The following SPAG16 variants were observed in gnomAD, a reference collection of about 807,000 sequenced individuals.
The protein encoded by SPAG16 is sperm associated antigen 16, also known as sperm-associated antigen 16 protein.
In SPAG16, 86 loss-of-function variants were observed where a neutral mutation model predicts 80.4. The ratio of observed to expected loss-of-function variants is 1.07; its 90% confidence interval spans 0.90 to 1.28. SPAG16 has a LOEUF of 1.28. Among genes scored for constraint, SPAG16 ranks in the 50% most tolerant of loss-of-function variants. The pLI, the probability that SPAG16 is intolerant of heterozygous loss-of-function variation, is 0.00. For synonymous variants in SPAG16, 294 were observed against 265.9 expected (o/e 1.11, Z -1.03); for missense variants, 870 against 765.3 (o/e 1.14, Z -1.61).
rs193083581 is a variant in SPAG16 at position 213,844,623 on chromosome 2, G to A, written c.1071-17862G>A. On this transcript the variant is annotated intron_variant, in intron 10 of 15. Transcript: ENST00000331683. ...TTTATGTTCTTGTTTTTTGATTTAC[G>A]AGGACTTGGACTTATAATAGTCAAT... Among the ~76,000 whole-genome samples, 773 of 152,134 alleles carry A rather than the reference G, an allele frequency of 5.1e-3. 3 individuals carry two copies. The highest frequency in any genetic ancestry group is 8.7e-3 in the Non-Finnish European group (594 of 67,982).
intron 6 of SPAG16, among the ~76,000 whole-genome samples, chr2:213,343,455 T>G (rs570268444): frequency 6.6e-6 from 1 of 152,196 alleles, no homozygotes; most frequent in East Asian, 1.9e-4. Context: ...CAACATACAA[T>G]AAATAAATAA....
At chr2:213,462,861 A>G (rs1287399421) in intron 9 of SPAG16, among the ~76,000 whole-genome samples, 1 of 152,204 alleles carries the variant, frequency 6.6e-6, no homozygotes, top group East Asian at 1.9e-4. Context: ...TCGGTACCAC[A>G]GAGAGTGGGT....
At chr2:213,967,954 AT>A (rs1245311004) in intron 12 of SPAG16, among the ~76,000 whole-genome samples, 2 of 152,204 alleles carry the variant, frequency 1.3e-5, no homozygotes, top group Admixed American at 6.5e-5. Context: ...TTAATGGCTA[AT>A]TTTTGATGTA....
intron 11 of SPAG16, among the ~76,000 whole-genome samples, chr2:213,898,505 T>A (rs1180517345): frequency 6.6e-6 from 1 of 152,168 alleles, no homozygotes; most frequent in African/African-American, 2.4e-5. Context: ...ATGGAGAATC[T>A]GCTGGGGTCA....
chr2:213,819,990 A>T (rs1575232152), intron 10 of SPAG16, among the ~76,000 whole-genome samples: 1 of 140,202 alleles, frequency 7.1e-6, no homozygotes, highest in African/African-American at 2.7e-5. Context: ...GTTGGCCAGG[A>T]TGGTCTCAAA....
intron 13 of SPAG16, among the ~76,000 whole-genome samples, chr2:214,015,218 A>G (rs184379787): frequency 1.3e-5 from 2 of 152,172 alleles, no homozygotes; most frequent in African/African-American, 2.4e-5. Flanking sequence ...GGCCAGACCC[A>G]CTTCATGGTC....
chr2:214,187,779 A>C (rs1285595023), intron 15 of SPAG16, among the ~76,000 whole-genome samples: 1 of 151,618 alleles, frequency 6.6e-6, no homozygotes, highest in Non-Finnish European at 1.5e-5. Flanking sequence ...CATATCGCTT[A>C]ACCTTTTTTT....
chr2:213,691,191 C>T (rs1366615360), intron 10 of SPAG16, among the ~76,000 whole-genome samples: 1 of 152,186 alleles, frequency 6.6e-6, no homozygotes, highest in Admixed American at 6.5e-5. Context: ...CCCAGGATAG[C>T]CAGTCTCTAA....
At chr2:214,222,556 A>G (rs944887198) in intron 15 of SPAG16, among the ~76,000 whole-genome samples, 3 of 152,152 alleles carry the variant, frequency 2.0e-5, no homozygotes, top group Non-Finnish European at 4.4e-5. Flanking sequence ...TTGTCACTCA[A>G]TCTGTGAAAT....
intron 10 of SPAG16, among the ~76,000 whole-genome samples, chr2:213,521,224 C>T (rs1350163822): frequency 1.3e-5 from 2 of 152,186 alleles, no homozygotes; most frequent in African/African-American, 2.4e-5. Flanking sequence ...AATTCTTTTA[C>T]ACGATCATGG....
At chr2:214,055,174 G>A (rs1297020224) in intron 13 of SPAG16, among the ~76,000 whole-genome samples, 1 of 151,998 alleles carries the variant, frequency 6.6e-6, no homozygotes, top group East Asian at 1.9e-4. Context: ...AAAGATCCAG[G>A]AAAAACTCAC....
intron 13 of SPAG16, among the ~76,000 whole-genome samples, chr2:214,084,666 C>G (rs2051605506): frequency 6.6e-6 from 1 of 152,178 alleles, no homozygotes; most frequent in Non-Finnish European, 1.5e-5. Context: ...GACCTAGGCT[C>G]TAACTCAGCA....
At chr2:213,774,312 C>T (rs558489120) in intron 10 of SPAG16, among the ~76,000 whole-genome samples, 7 of 152,304 alleles carry the variant, frequency 4.6e-5, no homozygotes, top group South Asian at 4.1e-4. Flanking sequence ...ATAATCCTTA[C>T]GAAAACTCTA....
At chr2:213,781,746 G>A (rs563451282) in intron 10 of SPAG16, among the ~76,000 whole-genome samples, 5 of 152,274 alleles carry the variant, frequency 3.3e-5, no homozygotes, top group African/African-American at 9.6e-5. Context: ...CTTTGTATTT[G>A]CAGTTTGGTC....
At chr2:214,317,842 G>C (rs1417261914) in intron 15 of SPAG16, among the ~76,000 whole-genome samples, 1 of 152,114 alleles carries the variant, frequency 6.6e-6, no homozygotes, top group East Asian at 1.9e-4. Context: ...TCATTAGTCA[G>C]AACTGCATCA....
At chr2:214,046,699 C>A (rs911536814) in intron 13 of SPAG16, among the ~76,000 whole-genome samples, 2 of 151,838 alleles carry the variant, frequency 1.3e-5, no homozygotes, top group African/African-American at 4.8e-5. Context: ...AGCAATCAGA[C>A]AAGAGAACGA....
At chr2:213,990,342 C>T (rs1389107913) in intron 12 of SPAG16, among the ~76,000 whole-genome samples, 4 of 152,012 alleles carry the variant, frequency 2.6e-5, no homozygotes, top group African/African-American at 7.2e-5. Context: ...TTGCAATACA[C>T]GTGATTCTTA....
rs187840135 is a variant in SPAG16, at chr2:214,276,310, G to A, written c.1720+127044G>A. On this transcript the variant is annotated intron_variant, in intron 15 of 15. Coordinates refer to ENST00000331683, the MANE Select transcript of SPAG16 (RefSeq NM_024532.5). ...CCCATTTACATTTAGGGTTAATATT[G>A]TTATGTGTGAATTTGATCCTGTCAT... Among the ~76,000 whole-genome samples the A allele has an allele frequency of 2.7e-3, 418 of 152,244 alleles. 3 individuals are homozygous for A. The highest frequency in any genetic ancestry group is 9.7e-3 in the African/African-American group (401 of 41,532).
In SPAG16 at chr2:213,701,863, A is replaced by C. The variant is rs58529682; in HGVS notation, c.1071-160622A>C. 2.5e-3 allele frequency among the ~76,000 whole-genome samples: 375 copies of C among 152,046 alleles called. 2 individuals carry two copies. The highest frequency in any genetic ancestry group is 8.5e-3 in the African/African-American group (351 of 41,468). On this transcript the variant is annotated intron_variant, in intron 10 of 15. Coordinates refer to ENST00000331683, the MANE Select transcript of SPAG16 (RefSeq NM_024532.5). ...CTCTGTGTCTAGCTCAGGGATTGTAAACACACCAAGCAGCACTCTGTGTCT... is the reference window on the plus strand; with the variant it reads ...CTCTGTGTCTAGCTCAGGGATTGTACACACACCAAGCAGCACTCTGTGTCT...
Sources: gnomAD v4.1 joint callset for allele counts (sites outside exome capture counted in the v4.1 genomes callset) on GRCh38, gnomAD v4.1.1 for gene constraint, MANE v1.5 for transcripts, NCBI Gene and HGNC (gene_info 2026-07-23, HGNC 2026-07-21) for gene names.